ERC1: variants seen among roughly 807,000 people sequenced by gnomAD.
The protein encoded by ERC1 is ELKS/RAB6-interacting/CAST family member 1, also known as RAB6 interacting protein 2.
A neutral mutation model predicts 132.0 loss-of-function variants in ERC1; 56 were observed. The ratio of observed to expected loss-of-function variants is 0.42; its 90% CI spans 0.34 to 0.53. ERC1 has a LOEUF of 0.53. Among genes scored for constraint, ERC1 ranks in the 20% least tolerant of loss-of-function variants. The pLI is 0.03. For synonymous variants in ERC1, 478 were observed against 476.1 expected (o/e 1.00, Z -0.05); for missense variants, 1,202 against 1,349.9 (o/e 0.89, Z 1.72).
At chr12:1,161,345 G>C (rs1265489038) in intron 8 of ERC1, among the ~76,000 whole-genome samples, 1 of 152,130 alleles carries the variant, frequency 6.6e-6, no homozygotes, top group Non-Finnish European at 1.5e-5. Flanking sequence ...CCTGGAGAGT[G>C]GTGTCAATAA....
At chr12:1,004,524 A>G (rs1963138470) in intron 1 of ERC1, among the ~76,000 whole-genome samples, 1 of 146,076 alleles carries the variant, frequency 6.8e-6, no homozygotes, top group Non-Finnish European at 1.5e-5. Context: ...CTCCTGCCTC[A>G]GCCTCCCAAG....
intron 14 of ERC1, among the ~76,000 whole-genome samples, chr12:1,284,453 C>G (rs1367340221): frequency 6.6e-6 from 1 of 151,958 alleles, no homozygotes; most frequent in Non-Finnish European, 1.5e-5. Flanking sequence ...GGATATATAC[C>G]TAGTAGTGGG....
chr12:1,131,568 TCTC>T (rs1156779956), intron 7 of ERC1, among the ~76,000 whole-genome samples: 1 of 152,054 alleles, frequency 6.6e-6, no homozygotes, highest in African/African-American at 2.4e-5. Context: ...TTCGCACCAT[TCTC>T]CTGCCTTAGC....
intron 13 of ERC1, among the ~76,000 whole-genome samples, chr12:1,253,367 G>C (rs937627345): frequency 4.6e-5 from 7 of 152,212 alleles, no homozygotes; most frequent in African/African-American, 1.7e-4. Context: ...TTTTCTGATT[G>C]AATGTTTGAT....
At chr12:1,330,818 T>G (rs1053893154) in intron 15 of ERC1, among the ~76,000 whole-genome samples, 1 of 152,230 alleles carries the variant, frequency 6.6e-6, no homozygotes, top group Non-Finnish European at 1.5e-5. Context: ...TCTTTGTCTT[T>G]TTTACATGTC....
chr12:1,491,247 A>C lies in ERC1; in HGVS notation c.*1017A>C, dbSNP rs969908048. On this transcript the variant is annotated 3_prime_UTR_variant, in exon 19 of 19. Transcript: ENST00000360905. Reference sequence around the variant, plus strand: ...CCCGTGTCCTGAGCTCCTGCAGCCCAGTGGCTGCTGAAGTTGTGATCCCTC... The same window carrying C: ...CCCGTGTCCTGAGCTCCTGCAGCCCCGTGGCTGCTGAAGTTGTGATCCCTC... 1 of 231,300 alleles carries C rather than the reference A, an allele frequency of 4.3e-6. No homozygotes were observed. The highest frequency in any genetic ancestry group is 1.8e-4 in the South Asian group (1 of 5,510). 14.3% of individuals were successfully genotyped at this position (231,300 alleles called of 1,614,324 possible).
At chr12:1,343,618 C>T (rs1469278017) in intron 15 of ERC1, among the ~76,000 whole-genome samples, 1 of 152,114 alleles carries the variant, frequency 6.6e-6, no homozygotes. Flanking sequence ...TTTCATCAGT[C>T]GTTCACTTAA....
intron 18 of ERC1, among the ~76,000 whole-genome samples, chr12:1,460,775 A>G (rs1364862204): frequency 6.6e-6 from 1 of 151,468 alleles, no homozygotes; most frequent in East Asian, 1.9e-4. Flanking sequence ...ACAGGGATGT[A>G]TAATAGCCCC....
chr12:1,483,969 T>C (rs111520952), intron 18 of ERC1, among the ~76,000 whole-genome samples: 6,457 of 151,716 alleles, frequency 0.043, 461 homozygotes, highest in African/African-American at 0.15. Context: ...GCTGGGATTA[T>C]AGGCGTGAGC....
At chr12:1,372,133 C>T (rs1317522548) in intron 16 of ERC1, among the ~76,000 whole-genome samples, 156 bp downstream of exon 16, 2 of 152,178 alleles carry the variant, frequency 1.3e-5, no homozygotes, top group African/African-American at 4.8e-5. Flanking sequence ...CTTTTTATCT[C>T]CGCAAATCTG....
chr12:1,285,684 A>G (rs2078995815), intron 14 of ERC1, among the ~76,000 whole-genome samples: 1 of 152,234 alleles, frequency 6.6e-6, no homozygotes, highest in African/African-American at 2.4e-5. Flanking sequence ...TCAAGCCCAG[A>G]GATTTATATT....
At chr12:1,219,547 C>G (rs1397355689) in intron 12 of ERC1, among the ~76,000 whole-genome samples, 1 of 151,964 alleles carries the variant, frequency 6.6e-6, no homozygotes, top group African/African-American at 2.4e-5. Context: ...ATCCGTTGCT[C>G]AAATTACTGC....
At chr12:1,257,826 A>C (rs1180663922) in intron 13 of ERC1, among the ~76,000 whole-genome samples, 1 of 152,244 alleles carries the variant, frequency 6.6e-6, no homozygotes, top group African/African-American at 2.4e-5. Context: ...AAAAACTAAA[A>C]GGAAACATTA....
chr12:1,129,206 T>C (rs1593533135), intron 7 of ERC1, among the ~76,000 whole-genome samples: 1 of 152,106 alleles, frequency 6.6e-6, no homozygotes, highest in African/African-American at 2.4e-5. Context: ...AGACTGGGCA[T>C]GATGGCTCAC....
At chr12:1,394,047 A>AAC (rs1566758165) in intron 16 of ERC1, among the ~76,000 whole-genome samples, 3,445 of 59,838 alleles carry the variant, frequency 0.058, 193 homozygotes, top group Middle Eastern at 0.15. Flanking sequence ...AAAAAAAACC[A>AAC]CAAAGCATTA....
intron 8 of ERC1, among the ~76,000 whole-genome samples, chr12:1,149,390 T>C (rs1950643132): frequency 6.6e-6 from 1 of 152,184 alleles, no homozygotes; most frequent in Non-Finnish European, 1.5e-5. Flanking sequence ...GTATCATATA[T>C]ACATATATAT....
chr12:1,112,235 A>G lies in ERC1; in HGVS notation c.1338A>G (p.Glu446=), dbSNP rs1945962121. Residue 446 remains glutamate, a synonymous_variant, in exon 6 of 19, where the codon GAA becomes GAG. Coordinates refer to ENST00000360905, the MANE Select transcript of ERC1 (RefSeq NM_178040.4). ...MKNKVEQLKE[E]LSSKEAQWEE... ...GACAGGTAGAACAACTGAAGGAGGAACTAAGTTCGAAAGAGGCTCAATGGG... is the reference window on the plus strand; with the variant it reads ...GACAGGTAGAACAACTGAAGGAGGAGCTAAGTTCGAAAGAGGCTCAATGGG... 6 of 1,612,426 alleles carry G rather than the reference A, an allele frequency of 3.7e-6. No homozygotes were observed. The highest frequency in any genetic ancestry group is 5.1e-6 in the Non-Finnish European group (6 of 1,178,516).
chr12:1,030,930 T>G (rs1189252944), intron 2 of ERC1, among the ~76,000 whole-genome samples: 1 of 152,198 alleles, frequency 6.6e-6, no homozygotes, highest in Non-Finnish European at 1.5e-5. Flanking sequence ...GGTGGATTTG[T>G]ATAAGTCCAC....
chr12:1,295,696 G>T (rs149471855), intron 15 of ERC1, among the ~76,000 whole-genome samples: 16 of 151,614 alleles, frequency 1.1e-4, no homozygotes, highest in Admixed American at 1.1e-3. Flanking sequence ...ATTCTTACAG[G>T]GTAGACCAAA....
Sources: allele counts gnomAD v4.1 joint callset (sites outside exome capture counted in the v4.1 genomes callset), GRCh38; gene constraint gnomAD v4.1.1; transcripts MANE v1.5; gene names NCBI Gene and HGNC (gene_info 2026-07-23, HGNC 2026-07-21).